The following RNPEP variants were observed in gnomAD, a reference collection of about 807,000 sequenced individuals.
The protein encoded by RNPEP is arginyl aminopeptidase, also known as aminopeptidase B.
In RNPEP, 57 loss-of-function variants were observed where a neutral mutation model predicts 70.1. The ratio of observed to expected loss-of-function variants is 0.81; its 90% CI spans 0.66 to 1.01. The LOEUF (loss-of-function observed/expected upper bound fraction) is 1.01. RNPEP is among the 50% of genes least tolerant of loss of function. The pLI is 0.00. For missense variants in RNPEP, 787 were observed against 852.4 expected (o/e 0.92, Z 0.96); for synonymous variants, 335 against 357.4 (o/e 0.94, Z 0.71).
intron 3 of RNPEP, among the ~76,000 whole-genome samples, chr1:201,991,565 T>C (rs2102968090): frequency 6.6e-6 from 1 of 152,294 alleles, no homozygotes; most frequent in Middle Eastern, 3.4e-3. Context: ...TTACACAGAC[T>C]CCATGAGGAT....
At chr1:202,004,946 CG>C (rs1279016593) in intron 10 of RNPEP, among the ~76,000 whole-genome samples, 1 of 152,178 alleles carries the variant, frequency 6.6e-6, no homozygotes, top group Non-Finnish European at 1.5e-5. Context: ...GGAAAGGCCC[CG>C]GGCTCTCAGG....
In RNPEP at chr1:201,982,790, G is replaced by T; in HGVS notation, c.124G>T (p.Asp42Tyr). 1.5e-6 allele frequency: 2 copies of T among 1,351,976 alleles called. No individual in the cohort carries two copies. Among genetic ancestry groups the T allele is most frequent in the Admixed American group, 8.2e-5 (2 of 24,290 alleles). 83.7% of individuals were successfully genotyped at this position (1,351,976 alleles called of 1,614,324 possible). The stretch of plus-strand genomic sequence containing the variant: ...CTTTGAGCTGCTGCACTTGCACCTG[G>T]ACCTGCGGGCTGAGTTCGGGCCTCC... Reference protein sequence around the residue: ...RAFELLHLHLDLRAEFGPPGP... With the variant: ...RAFELLHLHLYLRAEFGPPGP... Residue 42 changes from aspartate (D) to tyrosine (Y), a missense_variant, in exon 1 of 11, where the codon GAC (aspartate) becomes TAC (tyrosine). Asp to Tyr is a radical substitution (Grantham distance 160, BLOSUM62 -3). Coordinates refer to ENST00000295640, the MANE Select transcript of RNPEP (RefSeq NM_020216.4).
chr1:202,000,893 T>TA (rs35891956), intron 6 of RNPEP: 1,957 of 134,310 alleles, frequency 0.015, 43 homozygotes, highest in African/African-American at 0.049. Flanking sequence ...GACTCCGTCT[T>TA]AAAAAAAAAA....
In RNPEP at chr1:202,001,652, C is replaced by T. The variant is rs2102981683; in HGVS notation, c.1318-7C>T. The stretch of plus-strand genomic sequence containing the variant: ...GAGAGGGTCTAAAGAGCTTTCCCTC[C>T]TCACAGGCCTATGTGCATGAATTCA... On this transcript the variant is annotated splice_region_variant and splice_polypyrimidine_tract_variant and intron_variant, in intron 7 of 10. Coordinates refer to ENST00000295640, the MANE Select transcript of RNPEP (RefSeq NM_020216.4). 1 of 1,607,122 alleles carries T rather than the reference C, an allele frequency of 6.2e-7. No homozygotes were observed.
In RNPEP at chr1:202,001,397, A is replaced by G. The variant is rs759596239; in HGVS notation, c.1226A>G (p.Tyr409Cys). 5 of 1,613,802 alleles carry G rather than the reference A, an allele frequency of 3.1e-6. No homozygotes were observed. The highest frequency in any genetic ancestry group is 4.2e-6 in the Non-Finnish European group (5 of 1,179,800). Reference sequence around the variant, plus strand: ...CCAGGCGTTGACCCGGACGACACCTATAATGAGACCCCCTACGAGAAAGGT... The same window carrying G: ...CCAGGCGTTGACCCGGACGACACCTGTAATGAGACCCCCTACGAGAAAGGT... ...IEPGVDPDDT[Y>C]NETPYEKGFC... Residue 409 changes from tyrosine to cysteine, a missense_variant, in exon 7 of 11, where the codon TAT becomes TGT. Physicochemically the swap from Tyr to Cys is radical, Grantham distance 194. Transcript: ENST00000295640.
rs934309432 is a variant in RNPEP at position 201,999,990 on chromosome 1, C to A, written c.1179C>A (p.Asn393Lys). Reference protein sequence around the residue: ...MDITGEENPLNKLRVKIEPGV... With the variant: ...MDITGEENPLKKLRVKIEPGV... ...TCACTGGAGAGGAAAACCCACTCAACAAGCTCCGCGTGAAGATTGAACCAG... is the reference window on the plus strand; with the variant it reads ...TCACTGGAGAGGAAAACCCACTCAAAAAGCTCCGCGTGAAGATTGAACCAG... Residue 393 changes from asparagine (N) to lysine (K), a missense_variant, in exon 6 of 11, where the codon AAC (asparagine) becomes AAA (lysine). Coordinates refer to ENST00000295640, the MANE Select transcript of RNPEP (RefSeq NM_020216.4). The A allele has an allele frequency of 3.7e-6, 6 of 1,613,810 alleles. No homozygotes were observed. The highest frequency in any genetic ancestry group is 5.1e-6 in the Non-Finnish European group (6 of 1,179,840).
At position 201,997,544 on chromosome 1, in the gene RNPEP, C is replaced by T. The variant is rs765794703; in HGVS notation, c.1080C>T (p.Thr360=). 7.8e-5 allele frequency: 126 copies of T among 1,612,808 alleles called. 1 individual carries two copies. Among genetic ancestry groups the T allele is most frequent in the South Asian group, 2.5e-4 (23 of 91,060 alleles). Residue 360 remains threonine (T), a synonymous_variant, in exon 5 of 11, where the codon ACC becomes ACT. Coordinates refer to ENST00000295640, the MANE Select transcript of RNPEP (RefSeq NM_020216.4). The stretch of plus-strand genomic sequence containing the variant: ...TGTACGCCCAGAGGAGGATCTCCAC[C>T]ATCCTCTTTGGTAAAGTGCCCACCC... The part of the protein sequence containing the change: ...FTMYAQRRIS[T]ILFGAAYTCL...
chr1:202,003,021 A>T, intron 8 of RNPEP: 1 of 538,562 alleles, frequency 1.9e-6, no homozygotes, highest in Non-Finnish European at 3.3e-6. Flanking sequence ...ATTTGGAGCG[A>T]AAAGCACTTT....
At chr1:201,985,082 A>G (rs1683088586) in intron 1 of RNPEP, among the ~76,000 whole-genome samples, 1 of 151,612 alleles carries the variant, frequency 6.6e-6, no homozygotes, top group African/African-American at 2.4e-5. Context: ...AAACCCAGCT[A>G]CCTGGGAGCC....
chr1:202,001,609 C>T lies in RNPEP; in HGVS notation c.1318-50C>T, dbSNP rs202047990. On this transcript the variant is annotated intron_variant, in intron 7 of 10. Transcript: ENST00000295640. ...GGAGGACCCAGGACACAGAGGGACA[C>T]CACTCCCCACGGGGCCAGAGAGGGT... 1.0e-5 allele frequency: 15 copies of T among 1,481,656 alleles called. No homozygotes were observed. In the African/African-American group the frequency reaches 1.8e-4, roughly 18 times the overall value. 91.8% of individuals were successfully genotyped at this position (1,481,656 alleles called of 1,614,324 possible). A position where few individuals can be genotyped will look rare whatever the true frequency, so the allele number is the denominator to read the frequency against.
intron 1 of RNPEP, among the ~76,000 whole-genome samples, chr1:201,988,005 T>G (rs1683191215): frequency 6.6e-6 from 1 of 151,488 alleles, no homozygotes. Context: ...TCGGATGTGG[T>G]GGTGCATGCC....
intron 3 of RNPEP, among the ~76,000 whole-genome samples, chr1:201,995,124 T>C (rs528166852): frequency 1.3e-5 from 2 of 152,222 alleles, no homozygotes; most frequent in African/African-American, 4.8e-5. Flanking sequence ...TTGTTTTTGT[T>C]TTTGTTTCCT....
intron 1 of RNPEP, among the ~76,000 whole-genome samples, chr1:201,984,386 T>C (rs1009855691): frequency 1.3e-5 from 2 of 152,204 alleles, no homozygotes; most frequent in Non-Finnish European, 2.9e-5. Flanking sequence ...ACACAAATGG[T>C]TACATTCTTT....
chr1:202,005,690 C>A lies in RNPEP; in HGVS notation c.1927C>A (p.Gln643Lys). The change falls in exon 11 of 11, where the codon CAG becomes AAG. Residue 643 changes from glutamine (Q) to lysine (K), a missense_variant. Gln to Lys is a moderately conservative substitution (Grantham distance 53, BLOSUM62 1). Transcript: ENST00000295640. ...LHSNVVNYVQ[Q>K]IVAPKGS ...CAGCAATGTTGTCAACTATGTCCAG[C>A]AGATCGTGGCACCCAAGGGCAGTTA... The A allele has an allele frequency of 6.2e-7, 1 of 1,614,248 alleles. No homozygotes were observed. Among genetic ancestry groups the A allele is most frequent in the Non-Finnish European group, 8.5e-7 (1 of 1,180,044 alleles).
chr1:201,988,484 C>T (rs914831048), intron 1 of RNPEP, among the ~76,000 whole-genome samples: 4 of 127,462 alleles, frequency 3.1e-5, no homozygotes, highest in African/African-American at 5.9e-5. Context: ...AAAAAAAAAA[C>T]ATATTAATCA....
intron 5 of RNPEP, 103 bp from the exon 6 acceptor site, chr1:201,999,799 C>G: frequency 2.3e-6 from 2 of 856,126 alleles, no homozygotes; most frequent in South Asian, 3.3e-5. Context: ...TGTCGCTGTT[C>G]TTCTTGAGGC....
rs1683005444 is a variant in RNPEP at position 201,983,239 on chromosome 1, GGGCCTACTCCCCGCGCGCCGCCTCTA to G, written c.447+132_447+157del. 4 of 1,428,542 alleles carry G rather than the reference GGGCCTACTCCCCGCGCGCCGCCTCTA, an allele frequency of 2.8e-6. No homozygotes were observed. The Admixed American group carries it at 1.2e-4, about 43-fold the overall frequency. 88.5% of individuals were successfully genotyped at this position (1,428,542 alleles called of 1,614,324 possible). A position where few individuals can be genotyped will look rare whatever the true frequency, so the allele number is the denominator to read the frequency against. On this transcript the variant is annotated intron_variant, in intron 1 of 10. Transcript: ENST00000295640. ...GGACCCTTCCAGAGCGTCCCTAGAGGGGCCTACTCCCCGCGCGCCGCCTCTAGGCCTCCTCCCCTTGCTTCCTCTTT... is the reference window on the plus strand; with the variant it reads ...GGACCCTTCCAGAGCGTCCCTAGAGGGGCCTCCTCCCCTTGCTTCCTCTTT...
In RNPEP at chr1:201,982,819, G is replaced by A. The variant is rs963533677; in HGVS notation, c.153G>A (p.Gly51=). ...TGCGGGCTGAGTTCGGGCCTCCAGGGCCCGGCGCAGGGAGCCGGGGGCTGA... is the reference window on the plus strand; with the variant it reads ...TGCGGGCTGAGTTCGGGCCTCCAGGACCCGGCGCAGGGAGCCGGGGGCTGA... ...LDLRAEFGPP[G]PGAGSRGLSG... The change falls in exon 1 of 11, where the codon GGG becomes GGA. Residue 51 remains glycine, a synonymous_variant. Coordinates refer to ENST00000295640, the MANE Select transcript of RNPEP (RefSeq NM_020216.4). The A allele has an allele frequency of 1.5e-6, 2 of 1,333,478 alleles. No individual in the cohort carries two copies. The highest frequency in any genetic ancestry group is 1.9e-6 in the Non-Finnish European group (2 of 1,042,136). The allele number at this position is 1,333,478 out of a possible 1,614,324, so 82.6% of individuals were successfully genotyped here. A position where few individuals can be genotyped will look rare whatever the true frequency, so the allele number is the denominator to read the frequency against.
intron 6 of RNPEP, among the ~76,000 whole-genome samples, chr1:202,000,818 C>T (rs1375740105): frequency 3.8e-4 from 58 of 151,608 alleles, no homozygotes; most frequent in Non-Finnish European, 1.0e-4. Flanking sequence ...CGCTCGACCC[C>T]AGGAGGCAGA....
Sources: gnomAD v4.1 joint callset for allele counts (sites outside exome capture counted in the v4.1 genomes callset) on GRCh38, gnomAD v4.1.1 for gene constraint, MANE v1.5 for transcripts, NCBI Gene and HGNC (gene_info 2026-07-23, HGNC 2026-07-21) for gene names.